PIK3C2G: variants seen among roughly 807,000 people sequenced by gnomAD.
PIK3C2G encodes the protein phosphatidylinositol 3-kinase C2 domain-containing subunit gamma.
Under a neutral mutation model 181.1 loss-of-function variants are expected in PIK3C2G, and 168 were observed. That is an observed-to-expected ratio of 0.93 (90% CI 0.82 to 1.05). The LOEUF is 1.05. Ranked by LOEUF, PIK3C2G falls within the 50% of genes least tolerant of loss-of-function variation. The probability of loss-of-function intolerance (pLI) is 0.00; values close to 1 mark genes in which losing one functional copy is unlikely to be tolerated. For missense variants in PIK3C2G, 1,869 were observed against 1,732.8 expected (o/e 1.08, Z -1.40); for synonymous variants, 573 against 592.2 (o/e 0.97, Z 0.47).
In PIK3C2G at chr12:18,399,747, G is replaced by A; in HGVS notation, c.2215G>A (p.Ala739Thr). The part of the protein sequence containing the change: ...NCSLPLVLGS[A>T]PGWDERTVSE... ...CTCCCTTCCTTTAGTCCTGGGTAGT[G>A]CCCCTGGATGGGATGAAAGGACTGT... Residue 739 changes from alanine to threonine, a missense_variant, in exon 16 of 33, where the codon GCC becomes ACC. Transcript: ENST00000538779. 2 of 1,605,574 alleles carry A rather than the reference G, an allele frequency of 1.2e-6. No homozygotes were observed. Among genetic ancestry groups the A allele is most frequent in the Admixed American group, 1.7e-5 (1 of 59,954 alleles).
intron 18 of PIK3C2G, among the ~76,000 whole-genome samples, chr12:18,474,709 C>T (rs545507642): frequency 1.3e-5 from 2 of 152,048 alleles, no homozygotes; most frequent in South Asian, 4.2e-4. Context: ...ACATAAAATA[C>T]TAACATAGAG....
the PIK3C2G span, chr12:18,693,725 G>C: frequency 1.3e-6 from 2 of 1,544,434 alleles, no homozygotes; most frequent in South Asian, 2.2e-5. Flanking sequence ...GAACCAGTTG[G>C]ATGGATTTGA....
intron 17 of PIK3C2G, 97 bp downstream of exon 17, chr12:18,421,131 T>C (rs1449250999): frequency 3.3e-6 from 2 of 605,136 alleles, no homozygotes; most frequent in Non-Finnish European, 5.7e-6. Context: ...AGAAGTGACA[T>C]TGCAATTTGG....
intron 18 of PIK3C2G, among the ~76,000 whole-genome samples, chr12:18,472,883 A>G (rs1408862641): frequency 6.6e-6 from 1 of 152,106 alleles, no homozygotes; most frequent in Non-Finnish European, 1.5e-5. Flanking sequence ...TATTTTTAGT[A>G]GAGAGGCGGT....
intron 5 of PIK3C2G, among the ~76,000 whole-genome samples, chr12:18,308,407 T>C (rs983180489): frequency 1.3e-4 from 20 of 151,570 alleles, no homozygotes; most frequent in African/African-American, 4.8e-4. Context: ...TCTAAAAAAT[T>C]ATGTGAAGAT....
chr12:18,549,936 T>A (rs1462678123), intron 26 of PIK3C2G, among the ~76,000 whole-genome samples: 1 of 152,012 alleles, frequency 6.6e-6, no homozygotes, highest in Non-Finnish European at 1.5e-5. Context: ...CTCTACTTTT[T>A]TTTTCTTCTC....
intron 3 of PIK3C2G, among the ~76,000 whole-genome samples, chr12:18,289,848 G>A (rs1038909125): frequency 6.6e-6 from 1 of 151,780 alleles, no homozygotes; most frequent in East Asian, 1.9e-4. Context: ...TGCAATTTAG[G>A]TAGAGAACCA....
At chr12:18,306,691 A>T (rs902919715) in intron 5 of PIK3C2G, among the ~76,000 whole-genome samples, 32 of 152,020 alleles carry the variant, frequency 2.1e-4, no homozygotes, top group Non-Finnish European at 4.3e-4. Context: ...AATACTCTGA[A>T]CAGTACTACA....
chr12:18,461,085 T>A (rs1227282527), intron 18 of PIK3C2G, among the ~76,000 whole-genome samples: 1 of 152,164 alleles, frequency 6.6e-6, no homozygotes, highest in Non-Finnish European at 1.5e-5. Context: ...TGTATGTATG[T>A]ATATAATCTG....
intron 5 of PIK3C2G, among the ~76,000 whole-genome samples, chr12:18,294,358 T>G (rs1591851508): frequency 6.6e-6 from 1 of 152,186 alleles, no homozygotes; most frequent in East Asian, 1.9e-4. Context: ...CTACCTGTAA[T>G]AAAGCTTATT....
intron 18 of PIK3C2G, among the ~76,000 whole-genome samples, chr12:18,433,588 A>G (rs998627046): frequency 2.6e-5 from 4 of 152,168 alleles, no homozygotes; most frequent in Non-Finnish European, 5.9e-5. Context: ...CTATTAAACC[A>G]TGAGTTATGA....
At chr12:18,650,734 A>ATC (rs1950468660), downstream of PIK3C2G, among the ~76,000 whole-genome samples, 1 of 28,120 alleles carries the variant, frequency 3.6e-5, no homozygotes, top group Non-Finnish European at 5.8e-5. Flanking sequence ...ATATATATAT[A>ATC]TATATATATA....
chr12:18,416,478 A>G (rs1435384624), intron 16 of PIK3C2G, among the ~76,000 whole-genome samples: 1 of 152,176 alleles, frequency 6.6e-6, no homozygotes, highest in Non-Finnish European at 1.5e-5. Flanking sequence ...TAGGGAAGAT[A>G]AGTCAATGCT....
At chr12:18,303,144 T>TTTCTTTCTTTCTTTCTTTC (rs1491046164) in intron 5 of PIK3C2G, among the ~76,000 whole-genome samples, 3 of 110,556 alleles carry the variant, frequency 2.7e-5, no homozygotes, top group African/African-American at 1.1e-4. Flanking sequence ...CTTTCTTTTC[T>TTTCTTTCTTTCTTTCTTTC]TTTCTTTCTT....
At chr12:18,511,082 A>AT (rs34976227) in intron 24 of PIK3C2G, among the ~76,000 whole-genome samples, 62,303 of 151,780 alleles carry the variant, frequency 0.41, 13,242 homozygotes, top group East Asian at 0.63. Context: ...AGATCATGTG[A>AT]TTTTTTCTGT....
In PIK3C2G at chr12:18,322,904, TA is replaced by T. The variant is rs202226336; in HGVS notation, c.1208+1875del. ...GGTCTGTAGTTTCCTTTCTCCAAAA[TA>T]AATCTACCCAGGGGTGGGGGGAACA... On this transcript the variant is annotated intron_variant, in intron 7 of 32. Transcript: ENST00000538779. Among the ~76,000 whole-genome samples, 1,104 of 152,202 alleles carry T rather than the reference TA, an allele frequency of 7.3e-3. 5 individuals are homozygous for T. The highest frequency in any genetic ancestry group is 9.6e-3 in the Non-Finnish European group (651 of 68,008).
At chr12:18,668,242 TAAG>T in the PIK3C2G span, among the ~76,000 whole-genome samples, 310 of 152,332 alleles carry the variant, frequency 2.0e-3, 1 homozygote, top group Non-Finnish European at 3.6e-3. Flanking sequence ...CATTATTTCT[TAAG>T]AAGAAACACA....
At position 18,399,759 on chromosome 12, in the gene PIK3C2G, G is replaced by T; in HGVS notation, c.2227G>T (p.Asp743Tyr). 4 of 1,606,430 alleles carry T rather than the reference G, an allele frequency of 2.5e-6. No homozygotes were observed. The highest frequency in any genetic ancestry group is 3.4e-6 in the Non-Finnish European group (4 of 1,174,492). ...AGTCCTGGGTAGTGCCCCTGGATGG[G>T]ATGAAAGGACTGTTTCAGAAATGCA... ...PLVLGSAPGWDERTVSEMHTI... is the reference protein window; with the variant it reads ...PLVLGSAPGWYERTVSEMHTI... The change falls in exon 16 of 33, where the codon GAT becomes TAT. Residue 743 changes from aspartate to tyrosine, a missense_variant. Coordinates refer to ENST00000538779, the MANE Select transcript of PIK3C2G (RefSeq NM_001288772.2).
chr12:18,528,175 C>A (rs1943349584), intron 24 of PIK3C2G, among the ~76,000 whole-genome samples: 1 of 152,102 alleles, frequency 6.6e-6, no homozygotes, highest in East Asian at 1.9e-4. Context: ...TTTGCCTTCT[C>A]AATTAACTCA....
Sources: gnomAD v4.1 joint callset for allele counts (sites outside exome capture counted in the v4.1 genomes callset) on GRCh38, gnomAD v4.1.1 for gene constraint, MANE v1.5 for transcripts, NCBI Gene and HGNC (gene_info 2026-07-23, HGNC 2026-07-21) for gene names.